Variants in POTEE observed in about 807,000 individuals in gnomAD.
POTEE encodes the protein ANKRD26-like family C member 1A.
A neutral mutation model predicts 74.2 loss-of-function variants in POTEE; 21 were observed. The observed-to-expected ratio is 0.28, with a 90% CI of 0.20 to 0.41. The LOEUF is 0.41. Among genes scored for constraint, POTEE ranks in the 10% least tolerant of loss-of-function variants. POTEE has a pLI of 1.00. For missense variants in POTEE, 525 were observed against 1,158.6 expected (o/e 0.45, Z 7.94); for synonymous variants, 211 against 432.8 (o/e 0.49, Z 6.36).
At chr2:131,212,898 C>T (rs1700386559) in intron 2 of POTEE, among the ~76,000 whole-genome samples, 1 of 151,240 alleles carries the variant, frequency 6.6e-6, no homozygotes, top group South Asian at 2.1e-4. Flanking sequence ...TGCCATCTGC[C>T]TGAGCAAACC....
At position 131,217,626 on chromosome 2, in the gene POTEE, C is replaced by T. The variant is rs984350125; in HGVS notation, c.-151C>T. Among the ~76,000 whole-genome samples the T allele has an allele frequency of 3.4e-5, 5 of 147,292 alleles. No individual in the cohort carries two copies. The highest frequency in any genetic ancestry group is 2.0e-4 in the Admixed American group (3 of 14,918). Reference sequence around the variant, plus strand: ...GGCTTGAAAGCTCAGCTGACTCCCACGAAGTTTGCCGGAACTCAAGGCTGT... The same window carrying T: ...GGCTTGAAAGCTCAGCTGACTCCCATGAAGTTTGCCGGAACTCAAGGCTGT... On this transcript the variant is annotated 5_prime_UTR_variant, in exon 3 of 18. The change creates a new upstream start codon in the 5' untranslated region. Coordinates refer to ENST00000683005, the MANE Select transcript of POTEE (RefSeq NM_001083538.3).
In POTEE at chr2:131,227,358, T is replaced by C. The variant is rs1237843249; in HGVS notation, c.917+429T>C. ...GGGGTTGAAAATCCTTTTGTCTTTT[T>C]AATGACTTTGCTTTAAGTTGCTTTC... On this transcript the variant is annotated intron_variant, in intron 7 of 17. Transcript: ENST00000683005. Among the ~76,000 whole-genome samples, 5 of 149,464 alleles carry C rather than the reference T, an allele frequency of 3.3e-5. 1 individual carries two copies. The highest frequency in any genetic ancestry group is 5.9e-5 in the Non-Finnish European group (4 of 67,958).
chr2:131,240,220 T>C (rs74705572), intron 12 of POTEE, among the ~76,000 whole-genome samples: 5,341 of 25,028 alleles, frequency 0.21, 23 homozygotes, highest in Middle Eastern at 0.38. Flanking sequence ...GAAATTATCA[T>C]TATCAAAAGT....
Position 131,230,895 on chromosome 2 carries a change from A to G in POTEE, c.1115A>G (p.Asn372Ser), listed in dbSNP as rs1394728901. 6.4e-7 allele frequency: 1 copy of G among 1,561,308 alleles called. No individual in the cohort carries two copies. The highest frequency in any genetic ancestry group is 1.4e-5 in the African/African-American group (1 of 72,096). ...EKQMLKISSE[N>S]SNPEQELKLT... ...CAGATGCTAAAAATCTCTTCTGAAA[A>G]CAGCAATCCAGGTAAGACTTGTGAT... Residue 372 changes from asparagine to serine, a missense_variant, in exon 9 of 18, where the codon AAC becomes AGC. Transcript: ENST00000683005.
Position 131,209,691 on chromosome 2 carries a change from G to T in POTEE, c.-473G>T, listed in dbSNP as rs1370521141. Among the ~76,000 whole-genome samples, 52 of 152,388 alleles carry T rather than the reference G, an allele frequency of 3.4e-4. No individual in the cohort carries two copies. Among genetic ancestry groups the T allele is most frequent in the African/African-American group, 1.2e-3 (49 of 41,594 alleles). On this transcript the variant is annotated 5_prime_UTR_variant, in exon 1 of 18. Coordinates refer to ENST00000683005, the MANE Select transcript of POTEE (RefSeq NM_001083538.3). ...AGCTTCTCCTGCCAGGCAGGAAGAC[G>T]AGTAGAAGGGAGCAGCACCGACGCA...
Position 131,213,212 on chromosome 2 carries a change from C to T in POTEE, c.-189+2029C>T, listed in dbSNP as rs548929978. On this transcript the variant is annotated intron_variant, in intron 2 of 17. Transcript: ENST00000683005. ...CTGACCTCAGGTGATCCACCCACCT[C>T]GGTCGGCTGTGTGTATTTTAAGGCA... Among the ~76,000 whole-genome samples the T allele has an allele frequency of 1.1e-3, 162 of 152,292 alleles. 1 individual carries two copies. The highest frequency in any genetic ancestry group is 6.4e-3 in the South Asian group (31 of 4,824).
At chr2:131,223,792 T>TTA (rs1700699610) in intron 5 of POTEE, 78 bp from the exon 6 acceptor site, 2 of 1,609,200 alleles carry the variant, frequency 1.2e-6, no homozygotes, top group Admixed American at 1.7e-5. Context: ...CCTTTAAATA[T>TTA]AACTAGTTGG....
rs1268820735 is a variant in POTEE, at chr2:131,263,742, G to A, written c.2287G>A (p.Gly763Ser). 6.2e-7 allele frequency: 1 copy of A among 1,611,800 alleles called. No individual in the cohort carries two copies. The highest frequency in any genetic ancestry group is 1.3e-5 in the African/African-American group (1 of 74,812). Residue 763 changes from glycine (G) to serine (S), a missense_variant, in exon 18 of 18, where the codon GGC (glycine) becomes AGC (serine). Transcript: ENST00000683005. ...GGGCAAGGAGGCCCAGAGCAAGAGA[G>A]GCATCCTGACCCTGAAGTACCCCAT... is the stretch of plus-strand genomic sequence containing the variant. ...YVGKEAQSKR[G>S]ILTLKYPMEH... is the part of the protein sequence containing the mutation.
chr2:131,219,685 A>C lies in POTEE; in HGVS notation c.521+762A>C, dbSNP rs528419001. On this transcript the variant is annotated intron_variant, in intron 4 of 17. Transcript: ENST00000683005. Reference sequence around the variant, plus strand: ...CCGGGAGGTGGAGCTTGCAGTGAGCAGAGATAGTGCCACCGCACTCCAGCC... The same window carrying C: ...CCGGGAGGTGGAGCTTGCAGTGAGCCGAGATAGTGCCACCGCACTCCAGCC... Among the ~76,000 whole-genome samples, 273 of 151,850 alleles carry C rather than the reference A, an allele frequency of 1.8e-3. 2 individuals carry two copies. Among genetic ancestry groups the C allele is most frequent in the Non-Finnish European group, 2.8e-3 (193 of 67,980 alleles).
intron 9 of POTEE, among the ~76,000 whole-genome samples, chr2:131,235,439 A>G (rs2105099875): frequency 1.3e-5 from 2 of 152,120 alleles, no homozygotes; most frequent in South Asian, 4.2e-4. Flanking sequence ...GGAAGGAGGT[A>G]CCTGTTTATC....
At chr2:131,240,062 TTAG>T (rs1238145262) in intron 12 of POTEE, among the ~76,000 whole-genome samples, 1 of 142,912 alleles carries the variant, frequency 7.0e-6, no homozygotes, top group African/African-American at 2.6e-5. Flanking sequence ...GAACATTAAT[TTAG>T]TAGCATATTC....
intron 10 of POTEE, among the ~76,000 whole-genome samples, chr2:131,237,621 C>T (rs1190827564): frequency 6.6e-6 from 1 of 151,506 alleles, no homozygotes; most frequent in Admixed American, 6.6e-5. Context: ...ATAACACTAT[C>T]ATATGACAGT....
rs1701775117 is a variant in POTEE, at chr2:131,263,340, T to C, written c.1900-15T>C. On this transcript the variant is annotated splice_polypyrimidine_tract_variant and intron_variant, in intron 17 of 17. Coordinates refer to ENST00000683005, the MANE Select transcript of POTEE (RefSeq NM_001083538.3). ...TCTATTGAGTGCTAACTAAAAGTTC[T>C]CTTTGTTTACTTAGCTTTCTCTTAG... is the stretch of plus-strand genomic sequence containing the variant. 11 of 1,607,678 alleles carry C rather than the reference T, an allele frequency of 6.8e-6. No homozygotes were observed. Among genetic ancestry groups the C allele is most frequent in the Admixed American group, 5.1e-5 (3 of 59,214 alleles).
intron 8 of POTEE, 63 bp downstream of exon 8, chr2:131,228,444 T>G: frequency 6.3e-7 from 1 of 1,595,856 alleles, no homozygotes; most frequent in Non-Finnish European, 8.5e-7. Flanking sequence ...TTATAACAGT[T>G]GCATCTCACA....
chr2:131,214,184 CT>C (rs548754169), intron 2 of POTEE, among the ~76,000 whole-genome samples: 17 of 152,258 alleles, frequency 1.1e-4, no homozygotes, highest in Non-Finnish European at 2.1e-4. Flanking sequence ...ACCCCAAGAA[CT>C]TTAAGCAGAC....
chr2:131,211,801 C>T (rs1358818321), intron 2 of POTEE, among the ~76,000 whole-genome samples: 1 of 151,098 alleles, frequency 6.6e-6, no homozygotes, highest in African/African-American at 2.4e-5. Flanking sequence ...CATGATCCGC[C>T]CACCTTGGCC....
intron 9 of POTEE, among the ~76,000 whole-genome samples, chr2:131,233,571 G>T (rs1701032149): frequency 8.2e-6 from 1 of 121,344 alleles, no homozygotes. Flanking sequence ...CATAAAGTTA[G>T]GAATCTCAAC....
chr2:131,236,016 T>G (rs567592829), intron 9 of POTEE, among the ~76,000 whole-genome samples: 1 of 151,928 alleles, frequency 6.6e-6, no homozygotes, highest in Non-Finnish European at 1.5e-5. Context: ...CTCAGCAGAT[T>G]TGCATCCGAA....
intron 2 of POTEE, among the ~76,000 whole-genome samples, chr2:131,215,384 C>T (rs1329211778): frequency 1.3e-5 from 2 of 152,102 alleles, no homozygotes; most frequent in Non-Finnish European, 2.9e-5. Flanking sequence ...TTTACAATAA[C>T]TTAGAAATAG....
Sources: allele counts gnomAD v4.1 joint callset (sites outside exome capture counted in the v4.1 genomes callset), GRCh38; gene constraint gnomAD v4.1.1; transcripts MANE v1.5; gene names NCBI Gene and HGNC (gene_info 2026-07-23, HGNC 2026-07-21).